LRRTM4: variants seen among roughly 807,000 people sequenced by gnomAD.
The protein encoded by LRRTM4 is leucine rich repeat transmembrane neuronal 4.
Under a neutral mutation model 47.6 loss-of-function variants are expected in LRRTM4, and 25 were observed. The observed-to-expected ratio is 0.53, with a 90% CI of 0.38 to 0.73. The LOEUF (loss-of-function observed/expected upper bound fraction) is 0.73, where lower values mean the gene tolerates loss of function less well. Ranked by LOEUF, LRRTM4 falls within the 30% of genes least tolerant of loss-of-function variation. The probability of loss-of-function intolerance (pLI) is 0.00; values close to 1 mark genes in which losing one functional copy is unlikely to be tolerated. For missense variants in LRRTM4, 638 were observed against 713.4 expected, an observed-to-expected ratio of 0.89 and a Z score of 1.20; for synonymous variants, 311 against 269.5, an observed-to-expected ratio of 1.15 and a Z score of -1.51.
rs796357819 is a variant in LRRTM4 at position 76,841,664 on chromosome 2, GAAAA to G, written c.1552-92752_1552-92749del. ...TTCAGAATCAATTTGGTAACCTGGAGAAAAAAAAAAAAAACTTTACTGTGTATAT... is the reference window on the plus strand; with the variant it reads ...TTCAGAATCAATTTGGTAACCTGGAGAAAAAAAAAACTTTACTGTGTATAT... On this transcript the variant is annotated intron_variant, in intron 3 of 3. Coordinates refer to ENST00000409884, the MANE Select transcript of LRRTM4 (RefSeq NM_001134745.3). Among the ~76,000 whole-genome samples, 141 of 65,614 alleles carry G rather than the reference GAAAA, an allele frequency of 2.1e-3. 4 individuals carry two copies. The East Asian group carries it at 0.059, about 27-fold the overall frequency. The allele number at this position is 65,614 out of a possible 152,430, so 43.0% of individuals were successfully genotyped here.
At chr2:76,948,269 AC>A (rs371186679) in intron 3 of LRRTM4, among the ~76,000 whole-genome samples, 1 of 151,996 alleles carries the variant, frequency 6.6e-6, no homozygotes, top group East Asian at 1.9e-4. Flanking sequence ...CCTTGATGCC[AC>A]AATTTTGTCC....
chr2:77,379,272 C>T (rs1380724001), intron 3 of LRRTM4, among the ~76,000 whole-genome samples: 4 of 151,880 alleles, frequency 2.6e-5, no homozygotes, highest in Non-Finnish European at 4.4e-5. Flanking sequence ...AGGGAATTTT[C>T]TTTATTAACG....
At chr2:76,854,893 T>C (rs994860556) in intron 3 of LRRTM4, among the ~76,000 whole-genome samples, 1 of 150,574 alleles carries the variant, frequency 6.6e-6, no homozygotes, top group Non-Finnish European at 1.5e-5. Flanking sequence ...AACTACATTA[T>C]GTGATATTTT....
At chr2:76,953,922 C>T (rs1675579568) in intron 3 of LRRTM4, among the ~76,000 whole-genome samples, 1 of 151,776 alleles carries the variant, frequency 6.6e-6, no homozygotes, top group Non-Finnish European at 1.5e-5. Context: ...ACCTGCAATA[C>T]CACAGACAGA....
intron 3 of LRRTM4, among the ~76,000 whole-genome samples, chr2:76,777,077 G>A (rs77024456): frequency 2.6e-4 from 36 of 140,062 alleles, no homozygotes; most frequent in African/African-American, 7.5e-4. Context: ...GTAGATACGC[G>A]GCATTATTTC....
At chr2:76,998,842 T>C (rs562172990) in intron 3 of LRRTM4, among the ~76,000 whole-genome samples, 3 of 151,906 alleles carry the variant, frequency 2.0e-5, no homozygotes, top group Non-Finnish European at 2.9e-5. Flanking sequence ...ATAGCCCCTT[T>C]GTGGTTATGA....
intron 3 of LRRTM4, among the ~76,000 whole-genome samples, chr2:76,945,507 C>T (rs368011373): frequency 1.3e-5 from 2 of 151,970 alleles, no homozygotes; most frequent in African/African-American, 2.4e-5. Flanking sequence ...ATTTATGATG[C>T]AATGCAGAAT....
intron 3 of LRRTM4, among the ~76,000 whole-genome samples, chr2:77,011,305 CAT>C (rs1298846965): frequency 6.6e-6 from 1 of 152,098 alleles, no homozygotes; most frequent in East Asian, 1.9e-4. Flanking sequence ...TATTTGTACT[CAT>C]ATCTTAATTC....
rs984460004 is a variant in LRRTM4 at position 77,049,656 on chromosome 2, ACTTG to A, written c.1552-300744_1552-300741del. On this transcript the variant is annotated intron_variant, in intron 3 of 3. Transcript: ENST00000409884. The stretch of plus-strand genomic sequence containing the variant: ...AATTAAATTAATTTTTTTGTTGTTG[ACTTG>A]CTTGAGTTTCTTATTTATTATTAAT... Among the ~76,000 whole-genome samples the A allele has an allele frequency of 6.2e-4, 94 of 151,338 alleles. 1 individual carries two copies. The highest frequency in any genetic ancestry group is 1.9e-3 in the African/African-American group (79 of 40,934).
chr2:77,230,473 A>C (rs1327451295), intron 3 of LRRTM4, among the ~76,000 whole-genome samples: 1 of 152,240 alleles, frequency 6.6e-6, no homozygotes, highest in Non-Finnish European at 1.5e-5. Flanking sequence ...GTGATATAAA[A>C]CTCTGTTGCA....
rs1259228761 is a variant in LRRTM4, at chr2:77,519,707, A to G, written c.162T>C (p.Asp54=). 6.2e-7 allele frequency: 1 copy of G among 1,613,436 alleles called. No homozygotes were observed. The highest frequency in any genetic ancestry group is 2.2e-5 in the East Asian group (1 of 44,826). The change falls in exon 3 of 4, where the codon GAT becomes GAC. Residue 54 remains aspartate, a synonymous_variant. Transcript: ENST00000409884. The surrounding 1 kb of genome is among the most constrained non-coding windows in gnomAD (Gnocchi z 4.6). ...IVYCESHAFA[D]IPENISGGSQ... ...ACCCTCCAGAAATGTTCTCAGGGAT[A>G]TCTGCGAAAGCATGAGACTCACAGT...
chr2:77,429,519 T>TA (rs1267210867), intron 3 of LRRTM4, among the ~76,000 whole-genome samples: 1 of 151,770 alleles, frequency 6.6e-6, no homozygotes, highest in Non-Finnish European at 1.5e-5. Context: ...TACTCAGCCT[T>TA]AAAAAAAGAA....
chr2:77,161,841 T>G (rs564901159), intron 3 of LRRTM4, among the ~76,000 whole-genome samples: 3 of 152,156 alleles, frequency 2.0e-5, no homozygotes, highest in African/African-American at 7.2e-5. Context: ...TGATTAAAAC[T>G]CTAGTATTTT....
At position 77,067,030 on chromosome 2, in the gene LRRTM4, G is replaced by T. The variant is rs368517678; in HGVS notation, c.1552-318114C>A. Among the ~76,000 whole-genome samples the T allele has an allele frequency of 5.9e-4, 90 of 152,264 alleles. 1 individual carries two copies. In the South Asian group the frequency reaches 0.018, roughly 30 times the overall value. ...CAAGGTATTGGCCAAAGAGGAAGGG[G>T]TTCTGACACTCCGTTAGAATTAAAG... is the stretch of plus-strand genomic sequence containing the variant. On this transcript the variant is annotated intron_variant, in intron 3 of 3. Transcript: ENST00000409884.
At chr2:76,767,438 T>C (rs569796538) in intron 3 of LRRTM4, among the ~76,000 whole-genome samples, 21 of 152,296 alleles carry the variant, frequency 1.4e-4, no homozygotes, top group South Asian at 2.1e-4. Flanking sequence ...ATTTAAAAAA[T>C]GGTAAAATTG....
chr2:77,198,519 A>G (rs1354931980), intron 3 of LRRTM4, among the ~76,000 whole-genome samples: 6 of 152,206 alleles, frequency 3.9e-5, no homozygotes, highest in African/African-American at 1.4e-4. Flanking sequence ...AAAGACCGTT[A>G]AAATTAAGAT....
intron 3 of LRRTM4, among the ~76,000 whole-genome samples, chr2:77,388,261 A>G (rs1673363380): frequency 6.6e-6 from 1 of 152,296 alleles, no homozygotes; most frequent in African/African-American, 2.4e-5. Context: ...GGATTAGATT[A>G]GATATAAATA....
At position 76,857,332 on chromosome 2, in the gene LRRTM4, A is replaced by G. The variant is rs947523628; in HGVS notation, c.1552-108416T>C. Among the ~76,000 whole-genome samples, 4 of 148,200 alleles carry G rather than the reference A, an allele frequency of 2.7e-5. No homozygotes were observed. In the Admixed American group the frequency reaches 2.7e-4, roughly 10 times the overall value. ...ATAATATATATATAATATATATATCATATATATTTATTCCTTAGCAATACA... is the reference window on the plus strand; with the variant it reads ...ATAATATATATATAATATATATATCGTATATATTTATTCCTTAGCAATACA... On this transcript the variant is annotated intron_variant, in intron 3 of 3. Transcript: ENST00000409884.
intron 3 of LRRTM4, among the ~76,000 whole-genome samples, chr2:76,971,413 CAG>C (rs1676215156): frequency 6.6e-6 from 1 of 152,114 alleles, no homozygotes; most frequent in East Asian, 2.0e-4. Context: ...AGATGATTAA[CAG>C]GGGCTAAATC....
Sources: gnomAD v4.1 joint callset for allele counts (sites outside exome capture counted in the v4.1 genomes callset) on GRCh38, gnomAD v4.1.1 for gene constraint, Gnocchi (gnomAD v3.1) non-coding constraint, MANE v1.5 for transcripts, NCBI Gene and HGNC (gene_info 2026-07-23, HGNC 2026-07-21) for gene names.